The following NRG3 variants were observed in gnomAD, a reference collection of about 807,000 sequenced individuals.
The protein encoded by NRG3 is neuregulin 3.
A neutral mutation model predicts 66.9 loss-of-function variants in NRG3; 31 were observed. The observed-to-expected ratio is 0.46, with a 90% CI of 0.35 to 0.63. The LOEUF (loss-of-function observed/expected upper bound fraction) is 0.63. Ranked by LOEUF, NRG3 falls within the 20% of genes least tolerant of loss-of-function variation. The pLI, the probability that NRG3 is intolerant of heterozygous loss-of-function variation, is 0.00. For missense variants in NRG3, 910 were observed against 878.9 expected, an observed-to-expected ratio of 1.04 and a Z score of -0.45; for synonymous variants, 393 against 359.4, an observed-to-expected ratio of 1.09 and a Z score of -1.06.
chr10:82,010,086 T>G (rs115816766), intron 1 of NRG3, among the ~76,000 whole-genome samples: 317 of 152,296 alleles, frequency 2.1e-3, no homozygotes, highest in African/African-American at 7.2e-3. Context: ...AGTGAATAAT[T>G]AAAAATGAGG....
intron 8 of NRG3, among the ~76,000 whole-genome samples, chr10:82,981,871 C>T (rs895204693): frequency 1.3e-5 from 2 of 152,116 alleles, no homozygotes; most frequent in Non-Finnish European, 2.9e-5. Flanking sequence ...AGATTCACAC[C>T]TTAAAAGCAG....
At chr10:82,919,079 G>A (rs1846159780) in intron 4 of NRG3, among the ~76,000 whole-genome samples, 1 of 148,736 alleles carries the variant, frequency 6.7e-6, no homozygotes, top group African/African-American at 2.5e-5. Flanking sequence ...GTGTGTGTGT[G>A]TGTGTGTGTG....
intron 2 of NRG3, among the ~76,000 whole-genome samples, chr10:82,653,910 A>AG (rs991877642): frequency 6.6e-6 from 1 of 152,106 alleles, no homozygotes; most frequent in Non-Finnish European, 1.5e-5. Flanking sequence ...ACACACATAC[A>AG]CTTCTAGGTG....
At chr10:82,185,998 T>A (rs1256074129) in intron 1 of NRG3, among the ~76,000 whole-genome samples, 2 of 152,164 alleles carry the variant, frequency 1.3e-5, no homozygotes, top group Non-Finnish European at 2.9e-5. Context: ...ATTGTGCATA[T>A]CTCTAGTTCT....
In NRG3 at chr10:81,886,822, A is replaced by G. The variant is rs1277001586; in HGVS notation, c.823+10659A>G. ...AATTTTTATCTAAAACTTTGGGTAGAAAATTATATAAGATATCCATGATAT... is the reference window on the plus strand; with the variant it reads ...AATTTTTATCTAAAACTTTGGGTAGGAAATTATATAAGATATCCATGATAT... On this transcript the variant is annotated intron_variant, in intron 1 of 8. Transcript: ENST00000372141. Among the ~76,000 whole-genome samples the G allele has an allele frequency of 2.0e-5, 3 of 152,150 alleles. No individual in the cohort carries two copies. In the East Asian group the frequency reaches 5.8e-4, roughly 29 times the overall value.
intron 2 of NRG3, among the ~76,000 whole-genome samples, chr10:82,429,814 T>A (rs1325460661): frequency 6.6e-6 from 1 of 152,168 alleles, no homozygotes; most frequent in Non-Finnish European, 1.5e-5. Context: ...TTTTTCTTTA[T>A]TTGTTTTTCT....
chr10:82,311,932 G>T (rs577974041), intron 1 of NRG3, among the ~76,000 whole-genome samples: 1 of 152,152 alleles, frequency 6.6e-6, no homozygotes, highest in Non-Finnish European at 1.5e-5. Context: ...CGTGATTACA[G>T]AACATTCTGG....
intron 1 of NRG3, among the ~76,000 whole-genome samples, chr10:81,880,580 TCCTCCCC>T (rs1842092146): frequency 1.3e-5 from 2 of 152,148 alleles, no homozygotes; most frequent in African/African-American, 2.4e-5. Context: ...TCTCAGCCCT[TCCTCCCC>T]TTTGTACACA....
intron 7 of NRG3, 58 bp from the exon 8 acceptor site, chr10:82,978,892 G>A (rs1852565789): frequency 1.3e-6 from 2 of 1,558,970 alleles, no homozygotes; most frequent in Non-Finnish European, 1.7e-6. Context: ...CACCTGTGAG[G>A]TTATTGCTAT....
At chr10:82,038,321 C>T (rs1468092038) in intron 1 of NRG3, among the ~76,000 whole-genome samples, 1 of 152,020 alleles carries the variant, frequency 6.6e-6, no homozygotes, top group Admixed American at 6.6e-5. Flanking sequence ...TTAATAGTAC[C>T]AACTGTCCTG....
chr10:82,416,640 C>T (rs2088601033), intron 2 of NRG3, among the ~76,000 whole-genome samples: 1 of 152,100 alleles, frequency 6.6e-6, no homozygotes, highest in South Asian at 2.1e-4. Flanking sequence ...CTCCTGTCTG[C>T]TTTAGTCTTG....
intron 1 of NRG3, among the ~76,000 whole-genome samples, chr10:82,347,515 G>T (rs1166008291): frequency 6.6e-6 from 1 of 151,008 alleles, no homozygotes; most frequent in African/African-American, 2.4e-5. Context: ...AATAGGTGTG[G>T]TGTGGTGCTG....
intron 3 of NRG3, among the ~76,000 whole-genome samples, chr10:82,804,270 A>G (rs1025618296): frequency 2.6e-5 from 4 of 152,214 alleles, no homozygotes; most frequent in African/African-American, 7.2e-5. Flanking sequence ...GCTAAGATCT[A>G]TGGTAAGAAT....
At chr10:82,493,584 T>C (rs1178986376) in intron 2 of NRG3, among the ~76,000 whole-genome samples, 1 of 152,194 alleles carries the variant, frequency 6.6e-6, no homozygotes, top group Non-Finnish European at 1.5e-5. Flanking sequence ...AGTGCTGCAA[T>C]GAACATACAT....
chr10:82,298,337 T>G (rs2080199946), intron 1 of NRG3, among the ~76,000 whole-genome samples: 1 of 152,100 alleles, frequency 6.6e-6, no homozygotes, highest in African/African-American at 2.4e-5. Flanking sequence ...ATTTCTTAAC[T>G]ATCTAAAAGT....
chr10:82,242,031 CT>C (rs556187497), intron 1 of NRG3, among the ~76,000 whole-genome samples: 5 of 151,896 alleles, frequency 3.3e-5, no homozygotes, highest in Admixed American at 6.6e-5. Context: ...ACAATAAGCT[CT>C]TTTTTTTCAA....
intron 1 of NRG3, among the ~76,000 whole-genome samples, chr10:82,336,757 A>C (rs1331226945): frequency 6.6e-6 from 1 of 152,072 alleles, no homozygotes; most frequent in Non-Finnish European, 1.5e-5. Context: ...GTTATCTTTC[A>C]TACTCAAAAT....
intron 1 of NRG3, among the ~76,000 whole-genome samples, chr10:82,218,805 C>T (rs2075805899): frequency 6.6e-6 from 1 of 152,182 alleles, no homozygotes; most frequent in East Asian, 1.9e-4. Flanking sequence ...AAAAGTGTTT[C>T]CTGAGATTTC....
At chr10:82,729,573 G>A (rs1335618416) in intron 2 of NRG3, among the ~76,000 whole-genome samples, 1 of 152,130 alleles carries the variant, frequency 6.6e-6, no homozygotes, top group Non-Finnish European at 1.5e-5. Flanking sequence ...CCCATGTTAG[G>A]TATTTTAGTT....
Sources: allele counts gnomAD v4.1 joint callset (sites outside exome capture counted in the v4.1 genomes callset), GRCh38; gene constraint gnomAD v4.1.1; transcripts MANE v1.5; gene names NCBI Gene and HGNC (gene_info 2026-07-23, HGNC 2026-07-21).